The following POMT1 variants were observed in gnomAD, a reference collection of about 807,000 sequenced individuals.
The protein encoded by POMT1 is protein O-mannosyl-transferase 1.
POMT1 carries 85 observed loss-of-function variants against 101.6 expected under a neutral mutation model. The observed-to-expected ratio is 0.84, with a 90% CI of 0.70 to 1.00. POMT1 has a LOEUF of 1.00. POMT1 is among the 50% of genes least tolerant of loss of function. The pLI is 0.00. For missense variants in POMT1, 857 were observed against 930.4 expected (o/e 0.92, Z 1.03); for synonymous variants, 371 against 383.0 (o/e 0.97, Z 0.37).
rs150702948 is a variant in POMT1 at position 131,518,526 on chromosome 9, G to A, written c.1354G>A (p.Ala452Thr). Residue 452 changes from alanine (A) to threonine (T), a missense_variant, in exon 14 of 20, where the codon GCT (alanine) becomes ACT (threonine). Transcript: ENST00000402686. The stretch of plus-strand genomic sequence containing the variant: ...CCGCTTTGTGCACGTGAACACTTCC[G>A]CTGTCTTAAAGGTAAGGACACTGTC... ...EVRFVHVNTSAVLKLSGAHLP... is the reference protein window; with the variant it reads ...EVRFVHVNTSTVLKLSGAHLP... 35 of 1,613,356 alleles carry A rather than the reference G, an allele frequency of 2.2e-5. No individual in the cohort carries two copies. The highest frequency in any genetic ancestry group is 6.7e-5 in the East Asian group (3 of 44,880).
At chr9:131,511,001 GCAAGTTGTT>G in intron 9 of POMT1, 5 of 286,400 alleles carry the variant, frequency 1.7e-5, no homozygotes, top group South Asian at 8.9e-5. Flanking sequence ...GTGTGTTTCA[GCAAGTTGTT>G]TGGCTCACCC....
At chr9:131,515,904 T>C (rs1948362940) in intron 13 of POMT1, among the ~76,000 whole-genome samples, 2 of 114,412 alleles carry the variant, frequency 1.7e-5, no homozygotes, top group African/African-American at 6.6e-5. Context: ...CATGGAGCAC[T>C]TCCTCACATG....
At chr9:131,517,646 G>C (rs2131832309) in intron 13 of POMT1, among the ~76,000 whole-genome samples, 1 of 152,272 alleles carries the variant, frequency 6.6e-6, no homozygotes, top group South Asian at 2.1e-4. Context: ...CTGCATATCT[G>C]TGTGCGTTCT....
At position 131,520,112 on chromosome 9, in the gene POMT1, G is replaced by A. The variant is rs778687698; in HGVS notation, c.1617G>A (p.Ser539=). The change falls in exon 17 of 20, where the codon TCG becomes TCA. Residue 539 remains serine (S), a synonymous_variant. Coordinates refer to ENST00000402686, the MANE Select transcript of POMT1 (RefSeq NM_001077365.2). The stretch of plus-strand genomic sequence containing the variant: ...TGCTGGCGCTGAGAAGTGATGACTC[G>A]GAACACAAGTACAGCTCCAGCCCAC... The part of the protein sequence containing the change: ...WRMLALRSDD[S]EHKYSSSPLE... The A allele has an allele frequency of 1.7e-5, 27 of 1,613,624 alleles. No individual in the cohort carries two copies. The highest frequency in any genetic ancestry group is 1.6e-4 in the Middle Eastern group (1 of 6,084).
intron 16 of POMT1, 37 bp from the exon 17 acceptor site, chr9:131,520,043 C>G: frequency 6.5e-7 from 1 of 1,547,468 alleles, no homozygotes; most frequent in Non-Finnish European, 8.9e-7. Context: ...GGAGGCATCC[C>G]CCATCCTCAA....
chr9:131,506,315 A>G, intron 3 of POMT1, 88 bp from the exon 4 acceptor site: 2 of 1,554,752 alleles, frequency 1.3e-6, no homozygotes, highest in Non-Finnish European at 8.9e-7. Flanking sequence ...ACCAGGTCTT[A>G]TTATTGATGC....
intron 4 of POMT1, among the ~76,000 whole-genome samples, 176 bp from the exon 5 acceptor site, chr9:131,507,192 A>G (rs1479148037): frequency 6.6e-6 from 1 of 152,212 alleles, no homozygotes; most frequent in East Asian, 1.9e-4. Flanking sequence ...ATGCAAAGCT[A>G]ATTTCAAAGC....
At chr9:131,514,243 G>A (rs987181561) in intron 12 of POMT1, among the ~76,000 whole-genome samples, 3 of 152,144 alleles carry the variant, frequency 2.0e-5, no homozygotes, top group Non-Finnish European at 4.4e-5. Context: ...ACCCACTTGC[G>A]TTGTTCCTCT....
chr9:131,510,433 AT>A lies in POMT1; in HGVS notation c.855+19del. ...GCTTAGAGGTAAGTAAGCAGTGGGC[AT>A]CGTGGCCACTGGAGAAGGAAGATGA... On this transcript the variant is annotated intron_variant, in intron 9 of 19. Coordinates refer to ENST00000402686, the MANE Select transcript of POMT1 (RefSeq NM_001077365.2). 1 of 1,611,710 alleles carries A rather than the reference AT, an allele frequency of 6.2e-7. No individual in the cohort carries two copies. The highest frequency in any genetic ancestry group is 8.5e-7 in the Non-Finnish European group (1 of 1,177,810).
chr9:131,508,703 AAAAG>A (rs1946406439), intron 5 of POMT1, among the ~76,000 whole-genome samples: 2 of 152,366 alleles, frequency 1.3e-5, no homozygotes, highest in East Asian at 1.9e-4. Flanking sequence ...TGACTCAAAG[AAAAG>A]AAAGAGACAG....
intron 4 of POMT1, 28 bp from the exon 5 acceptor site, chr9:131,507,340 C>T (rs1217353112): frequency 1.9e-6 from 3 of 1,613,868 alleles, no homozygotes; most frequent in South Asian, 1.1e-5. Context: ...ACAGTGTAGT[C>T]AGCTCTGCAG....
chr9:131,518,752 G>A (rs959769349), intron 14 of POMT1, 85 bp from the exon 15 acceptor site: 32 of 1,604,626 alleles, frequency 2.0e-5, no homozygotes, highest in South Asian at 5.5e-5. Context: ...AGCGTGACCC[G>A]GGCAGGGGTT....
At position 131,522,211 on chromosome 9, in the gene POMT1, G is replaced by T. The variant is rs145635821; in HGVS notation, c.1990G>T (p.Asp664Tyr). The change falls in exon 19 of 20, where the codon GAC (aspartate) becomes TAC (tyrosine). Residue 664 changes from aspartate to tyrosine, a missense_variant. Coordinates refer to ENST00000402686, the MANE Select transcript of POMT1 (RefSeq NM_001077365.2). The surrounding 1 kb of genome is among the most constrained non-coding windows in gnomAD (Gnocchi z 5.5). ...CCCTGTGGTCCTGCAGCACATCAGC[G>T]ACCACCTGTGCAGGTACGGGGGCTG... ...LLPVVLQHIS[D>Y]HLCRSQLQRS... 1 of 1,613,698 alleles carries T rather than the reference G, an allele frequency of 6.2e-7. No homozygotes were observed. The highest frequency in any genetic ancestry group is 1.3e-5 in the African/African-American group (1 of 75,050).
Position 131,523,009 on chromosome 9 carries a change from T to C in POMT1, c.2081T>C (p.Leu694Pro). ...YSSACHVSNTLRPLTYGDKSL... is the reference protein window; with the variant it reads ...YSSACHVSNTPRPLTYGDKSL... ...TCCGCGTGCCACGTGTCCAACACGC[T>C]GCGCCCACTCACCTACGGGGACAAG... is the stretch of plus-strand genomic sequence containing the variant. Residue 694 changes from leucine (L) to proline (P), a missense_variant, in exon 20 of 20, where the codon CTG becomes CCG. Transcript: ENST00000402686. 2 of 1,609,766 alleles carry C rather than the reference T, an allele frequency of 1.2e-6. No individual in the cohort carries two copies. Among genetic ancestry groups the C allele is most frequent in the Admixed American group, 1.7e-5 (1 of 59,870 alleles).
Position 131,512,138 on chromosome 9 carries a change from TGA to T in POMT1, c.1082+4_1082+5del. The T allele has an allele frequency of 6.2e-7, 1 of 1,613,696 alleles. No homozygotes were observed. Among genetic ancestry groups the T allele is most frequent in the Non-Finnish European group, 8.5e-7 (1 of 1,179,884 alleles). ...GTGGATTGTAAAGGATCCCAGGAGG[TGA>T]GTGCAGGTCCTGTGACTCCAGAGCA... On this transcript the variant is annotated splice_donor_region_variant and intron_variant, in intron 11 of 19. Transcript: ENST00000402686.
chr9:131,510,765 C>G (rs1019469102), intron 9 of POMT1: 13 of 368,042 alleles, frequency 3.5e-5, no homozygotes, highest in Non-Finnish European at 6.3e-5. Context: ...CTCGGCCTCT[C>G]AAAGTGCTGG....
chr9:131,517,247 T>G (rs1158559789), intron 13 of POMT1, among the ~76,000 whole-genome samples: 16 of 151,480 alleles, frequency 1.1e-4, no homozygotes, highest in African/African-American at 3.1e-4. Flanking sequence ...TTTTTTTTTT[T>G]TGCGACTGGG....
At chr9:131,513,553 C>T (rs1947606769) in intron 12 of POMT1, among the ~76,000 whole-genome samples, 1 of 152,202 alleles carries the variant, frequency 6.6e-6, no homozygotes, top group Non-Finnish European at 1.5e-5. Context: ...GAGGACTGGA[C>T]AGAAGCACCT....
intron 9 of POMT1, 40 bp downstream of exon 9, chr9:131,510,455 G>T (rs1368872530): frequency 3.1e-6 from 5 of 1,589,168 alleles, no homozygotes; most frequent in Non-Finnish European, 4.3e-6. Flanking sequence ...GGAGAAGGAA[G>T]ATGATAGTGG....
Sources: gnomAD v4.1 joint callset for allele counts (sites outside exome capture counted in the v4.1 genomes callset) on GRCh38, gnomAD v4.1.1 for gene constraint, Gnocchi (gnomAD v3.1) non-coding constraint, MANE v1.5 for transcripts, NCBI Gene and HGNC (gene_info 2026-07-23, HGNC 2026-07-21) for gene names.